TLN2: variants seen among roughly 807,000 people sequenced by gnomAD.
TLN2 encodes the protein talin 2, also known as talin-2.
Under a neutral mutation model 294.7 loss-of-function variants are expected in TLN2, and 118 were observed. That is an observed-to-expected ratio of 0.40 (90% confidence interval 0.34 to 0.47). TLN2 has a LOEUF of 0.47. TLN2 is among the 20% of genes least tolerant of loss of function. TLN2 has a pLI of 0.84. For missense variants in TLN2, 3,083 were observed against 3,282.2 expected (o/e 0.94, Z 1.48); for synonymous variants, 1,431 against 1,304.5 (o/e 1.10, Z -2.09).
intron 1 of TLN2, among the ~76,000 whole-genome samples, chr15:62,583,801 C>T (rs528723052): frequency 1.3e-5 from 2 of 152,130 alleles, no homozygotes; most frequent in Non-Finnish European, 2.9e-5. Flanking sequence ...ATTCTAGTTA[C>T]ACCTATTACT....
intron 52 of TLN2, among the ~76,000 whole-genome samples, chr15:62,814,419 T>C (rs1390449153): frequency 6.6e-6 from 1 of 152,172 alleles, no homozygotes; most frequent in Non-Finnish European, 1.5e-5. Context: ...ATAATCTAGT[T>C]AGTCTCCCTC....
intron 54 of TLN2, chr15:62,830,079 G>A (rs1353420146): frequency 1.3e-5 from 2 of 152,146 alleles, no homozygotes; most frequent in Admixed American, 6.5e-5. Flanking sequence ...AACATAAATA[G>A]CCACATGCAC....
At chr15:62,496,186 G>A (rs2039007357) in intron 1 of TLN2, among the ~76,000 whole-genome samples, 1 of 152,162 alleles carries the variant, frequency 6.6e-6, no homozygotes, top group Admixed American at 6.5e-5. Context: ...TCCTCTTTCT[G>A]ACTCACTGTT....
At chr15:62,673,488 C>A in intron 9 of TLN2, among the ~76,000 whole-genome samples, 1 of 150,240 alleles carries the variant, frequency 6.7e-6, no homozygotes, top group East Asian at 1.9e-4. Flanking sequence ...AATACGTAGA[C>A]AATAGAAAAT....
intron 1 of TLN2, among the ~76,000 whole-genome samples, chr15:62,513,851 T>C (rs567183747): frequency 6.6e-6 from 1 of 152,212 alleles, no homozygotes; most frequent in Non-Finnish European, 1.5e-5. Flanking sequence ...TAGCTGCAGA[T>C]TAAATGGTGT....
intron 1 of TLN2, among the ~76,000 whole-genome samples, chr15:62,474,601 A>G (rs1192135488): frequency 6.6e-6 from 1 of 152,196 alleles, no homozygotes; most frequent in African/African-American, 2.4e-5. Context: ...TGATTGCACC[A>G]TTGTCCTCCA....
At chr15:62,459,398 A>G (rs1021139906) in intron 1 of TLN2, among the ~76,000 whole-genome samples, 6 of 150,350 alleles carry the variant, frequency 4.0e-5, no homozygotes, top group African/African-American at 1.5e-4. Flanking sequence ...ATAAGAATGC[A>G]CTTTATTTTA....
intron 1 of TLN2, among the ~76,000 whole-genome samples, chr15:62,565,031 T>C (rs2043285940): frequency 6.6e-6 from 1 of 151,636 alleles, no homozygotes. Flanking sequence ...GGAGGAGAGA[T>C]GCATGCAGGA....
At chr15:62,727,232 C>T (rs1167994809) in intron 28 of TLN2, 43 bp downstream of exon 28, 2 of 1,571,830 alleles carry the variant, frequency 1.3e-6, no homozygotes, top group Admixed American at 3.5e-5. Flanking sequence ...AGCTTCAGGC[C>T]ACTGGGTGTA....
At chr15:62,626,178 G>A (rs1187778831) in intron 3 of TLN2, among the ~76,000 whole-genome samples, 1 of 152,114 alleles carries the variant, frequency 6.6e-6, no homozygotes, top group East Asian at 1.9e-4. Context: ...TTGCATTTGA[G>A]GCTTTTTAAA....
At chr15:62,693,983 T>C (rs2058130442) in intron 13 of TLN2, among the ~76,000 whole-genome samples, 1 of 81,852 alleles carries the variant, frequency 1.2e-5, no homozygotes, top group African/African-American at 4.3e-5. Flanking sequence ...TTTTTTTTTT[T>C]TTTGAGACAG....
chr15:62,708,042 C>T (rs1422147255), intron 20 of TLN2, among the ~76,000 whole-genome samples: 1 of 151,892 alleles, frequency 6.6e-6, no homozygotes, highest in African/African-American at 2.4e-5. Flanking sequence ...CTAGAATTTA[C>T]AAGGAACTGA....
At chr15:62,793,704 G>C (rs181189436) in intron 46 of TLN2, among the ~76,000 whole-genome samples, 1 of 151,918 alleles carries the variant, frequency 6.6e-6, no homozygotes, top group Non-Finnish European at 1.5e-5. Context: ...TTTTTGTCTC[G>C]GAATCATTTT....
chr15:62,724,858 CCTG>C, intron 26 of TLN2, 115 bp from the exon 27 acceptor site: 1 of 1,305,012 alleles, frequency 7.7e-7, no homozygotes, highest in African/African-American at 1.5e-5. Context: ...CCTTGCTCCT[CCTG>C]CTGGATTTGG....
intron 12 of TLN2, among the ~76,000 whole-genome samples, chr15:62,691,884 G>A (rs1051605081): frequency 6.6e-6 from 1 of 152,018 alleles, no homozygotes; most frequent in Admixed American, 6.6e-5. Context: ...ATGTTGCCCA[G>A]GCTGGTCTTG....
At chr15:62,487,458 ATTGAG>A (rs2038462839) in intron 1 of TLN2, among the ~76,000 whole-genome samples, 1 of 152,148 alleles carries the variant, frequency 6.6e-6, no homozygotes, top group Non-Finnish European at 1.5e-5. Context: ...TCATTTTACA[ATTGAG>A]TTGTTTACAA....
intron 4 of TLN2, among the ~76,000 whole-genome samples, chr15:62,648,191 C>G (rs984121375): frequency 6.6e-6 from 1 of 151,968 alleles, no homozygotes; most frequent in Admixed American, 6.6e-5. Context: ...GAGGCCAAGG[C>G]GGGAAGATCG....
intron 4 of TLN2, 145 bp downstream of exon 4, chr15:62,647,591 C>G: frequency 8.9e-7 from 1 of 1,122,354 alleles, no homozygotes; most frequent in Non-Finnish European, 1.3e-6. Flanking sequence ...CAGACACTAC[C>G]TGCTTCCTCT....
intron 13 of TLN2, among the ~76,000 whole-genome samples, chr15:62,694,097 A>G (rs2141072413): frequency 6.6e-6 from 1 of 150,774 alleles, no homozygotes; most frequent in East Asian, 2.0e-4. Context: ...CTTCCGGTGT[A>G]GCTGGGATTA....
Sources: allele counts gnomAD v4.1 joint callset (sites outside exome capture counted in the v4.1 genomes callset), GRCh38; gene constraint gnomAD v4.1.1; transcripts MANE v1.5; gene names NCBI Gene and HGNC (gene_info 2026-07-23, HGNC 2026-07-21).